Variants in OTUD7A observed in about 807,000 individuals in gnomAD.
OTUD7A encodes the protein OTU domain-containing protein 7A.
OTUD7A carries 12 observed loss-of-function variants against 65.7 expected under a neutral mutation model. That is an observed-to-expected ratio of 0.18 (90% CI 0.12 to 0.30). OTUD7A has a LOEUF of 0.30. Ranked by LOEUF, OTUD7A falls within the 10% of genes least tolerant of loss-of-function variation. OTUD7A has a pLI of 1.00. For missense variants in OTUD7A, 1,148 were observed against 1,304.8 expected, an observed-to-expected ratio of 0.88 and a Z score of 1.85; for synonymous variants, 641 against 586.3, an observed-to-expected ratio of 1.09 and a Z score of -1.35.
intron 8 of OTUD7A, among the ~76,000 whole-genome samples, chr15:31,522,101 G>A (rs1423065791): frequency 6.6e-6 from 1 of 152,216 alleles, no homozygotes; most frequent in Admixed American, 6.5e-5. Flanking sequence ...CTTTCAGGCT[G>A]TGGGACATTG....
chr15:31,785,489 C>T (rs3941369), intron 1 of OTUD7A, among the ~76,000 whole-genome samples: 30,116 of 152,058 alleles, frequency 0.2, 3,437 homozygotes, highest in Admixed American at 0.28. Context: ...CCAGACCTGG[C>T]CTCTGGAGCT....
At chr15:31,828,875 C>A (rs753601188) in intron 1 of OTUD7A, among the ~76,000 whole-genome samples, 1 of 152,110 alleles carries the variant, frequency 6.6e-6, no homozygotes, top group Non-Finnish European at 1.5e-5. Context: ...AAGCCAGGGG[C>A]CAGAAGATGT....
chr15:31,636,887 A>T (rs1236929855), intron 3 of OTUD7A, among the ~76,000 whole-genome samples: 1 of 142,478 alleles, frequency 7.0e-6, no homozygotes, highest in East Asian at 1.9e-4. Context: ...TACGGAGGCT[A>T]AGAGAGGTGA....
At chr15:31,569,233 A>G (rs1305121552) in intron 4 of OTUD7A, among the ~76,000 whole-genome samples, 1 of 152,262 alleles carries the variant, frequency 6.6e-6, no homozygotes, top group Non-Finnish European at 1.5e-5. Flanking sequence ...GATTAGAGGT[A>G]TAAAGATGTT....
At chr15:31,630,210 C>T (rs1033452470) in intron 3 of OTUD7A, among the ~76,000 whole-genome samples, 2 of 148,672 alleles carry the variant, frequency 1.3e-5, no homozygotes, top group Admixed American at 6.8e-5. Context: ...ATCTTTCCTG[C>T]TTTCTCTTGT....
At chr15:31,823,754 G>A (rs183871423) in intron 1 of OTUD7A, among the ~76,000 whole-genome samples, 1 of 152,338 alleles carries the variant, frequency 6.6e-6, no homozygotes, top group African/African-American at 2.4e-5. Context: ...GTGGTTCACA[G>A]GAGGACGCCA....
intron 1 of OTUD7A, among the ~76,000 whole-genome samples, chr15:31,661,726 C>T (rs1249205961): frequency 1.3e-5 from 2 of 152,128 alleles, no homozygotes; most frequent in African/African-American, 4.8e-5. Context: ...CTAAAAATAA[C>T]AAAAATTCTT....
At chr15:31,553,767 A>G (rs1432577142) in intron 5 of OTUD7A, among the ~76,000 whole-genome samples, 1 of 151,784 alleles carries the variant, frequency 6.6e-6, no homozygotes, top group Non-Finnish European at 1.5e-5. Context: ...CCTCACCTGC[A>G]CTACCACCCC....
intron 1 of OTUD7A, among the ~76,000 whole-genome samples, chr15:31,759,781 G>A (rs1894912813): frequency 6.6e-6 from 1 of 152,092 alleles, no homozygotes; most frequent in Non-Finnish European, 1.5e-5. Flanking sequence ...TGCTGCCTCA[G>A]CCTCCCAAAG....
At chr15:31,546,095 T>C (rs537591124) in intron 5 of OTUD7A, among the ~76,000 whole-genome samples, 52 of 152,248 alleles carry the variant, frequency 3.4e-4, no homozygotes, top group African/African-American at 1.3e-3. Context: ...AAAATGTGAG[T>C]AGGTTATATG....
intron 5 of OTUD7A, among the ~76,000 whole-genome samples, chr15:31,532,583 C>T (rs187840952): frequency 2.6e-5 from 4 of 151,064 alleles, no homozygotes; most frequent in East Asian, 1.9e-4. Context: ...TGTGGGACTG[C>T]GACAAAAGTC....
chr15:31,826,356 G>A (rs1240844908), intron 1 of OTUD7A, among the ~76,000 whole-genome samples: 1 of 152,234 alleles, frequency 6.6e-6, no homozygotes, highest in African/African-American at 2.4e-5. Context: ...AAAGCTTGGG[G>A]CTTGCACCAT....
intron 1 of OTUD7A, among the ~76,000 whole-genome samples, chr15:31,820,313 C>T (rs1301960413): frequency 6.6e-6 from 1 of 152,176 alleles, no homozygotes; most frequent in African/African-American, 2.4e-5. Flanking sequence ...ACACCATTTG[C>T]CTTCAAAGTT....
At chr15:31,733,137 G>C (rs953428481) in intron 1 of OTUD7A, among the ~76,000 whole-genome samples, 17 of 152,188 alleles carry the variant, frequency 1.1e-4, no homozygotes, top group African/African-American at 4.1e-4. Flanking sequence ...GGCCAAGTTG[G>C]TGATGTATCA....
intron 5 of OTUD7A, among the ~76,000 whole-genome samples, chr15:31,555,064 AGAC>A (rs2141152256): frequency 6.6e-6 from 1 of 152,290 alleles, no homozygotes; most frequent in South Asian, 2.1e-4. Flanking sequence ...CCTCAAAAAT[AGAC>A]GGGGCTGCCT....
At chr15:31,547,565 A>G (rs1888171986) in intron 5 of OTUD7A, among the ~76,000 whole-genome samples, 1 of 152,228 alleles carries the variant, frequency 6.6e-6, no homozygotes, top group African/African-American at 2.4e-5. Context: ...AAGTGAGAAC[A>G]TAATGACAAT....
chr15:31,704,263 T>C (rs895966286), intron 1 of OTUD7A, among the ~76,000 whole-genome samples: 4 of 123,826 alleles, frequency 3.2e-5, no homozygotes, highest in Non-Finnish European at 6.8e-5. Flanking sequence ...TATACAATCA[T>C]CTCAAAATAA....
intron 1 of OTUD7A, among the ~76,000 whole-genome samples, chr15:31,825,863 C>G (rs1386869387): frequency 1.3e-5 from 2 of 152,212 alleles, no homozygotes; most frequent in Non-Finnish European, 1.5e-5. Flanking sequence ...GTCCAAAATC[C>G]ATTGGGGCAG....
chr15:31,652,403 C>T (rs1409968543), intron 3 of OTUD7A, among the ~76,000 whole-genome samples: 1 of 152,160 alleles, frequency 6.6e-6, no homozygotes, highest in Non-Finnish European at 1.5e-5. Context: ...AGACCAACTA[C>T]AAGAAAATCT....
Sources: allele counts gnomAD v4.1 joint callset (sites outside exome capture counted in the v4.1 genomes callset), GRCh38; gene constraint gnomAD v4.1.1; transcripts MANE v1.5; gene names NCBI Gene and HGNC (gene_info 2026-07-23, HGNC 2026-07-21).